GMEB2: variants seen among roughly 807,000 people sequenced by gnomAD.
The protein encoded by GMEB2 is glucocorticoid modulatory element-binding protein 2.
Under a neutral mutation model 45.7 loss-of-function variants are expected in GMEB2, and 7 were observed. The ratio of observed to expected loss-of-function variants is 0.15; its 90% CI spans 0.09 to 0.29. GMEB2 has a LOEUF of 0.29. Ranked by LOEUF, GMEB2 falls within the 10% of genes least tolerant of loss-of-function variation. The probability of loss-of-function intolerance (pLI) is 1.00; values close to 1 mark genes in which losing one functional copy is unlikely to be tolerated. For synonymous variants in GMEB2, 322 were observed against 323.6 expected, an observed-to-expected ratio of 1.00 and a Z score of 0.05; for missense variants, 582 against 739.2, an observed-to-expected ratio of 0.79 and a Z score of 2.47.
At position 63,593,494 on chromosome 20, in the gene GMEB2, C is replaced by T. The variant is rs889398308; in HGVS notation, c.620-412G>A. 1.6e-4 allele frequency among the ~76,000 whole-genome samples: 25 copies of T among 151,844 alleles called. No individual in the cohort carries two copies. The highest frequency in any genetic ancestry group is 5.6e-4 in the African/African-American group (23 of 41,286). ...GGCTGCGTCTGTCGCCCGTGGGGCT[C>T]GCCCTCACCTCGCCTCTTCAAGTGA... On this transcript the variant is annotated intron_variant, in intron 6 of 9. Coordinates refer to ENST00000370077, the MANE Select transcript of GMEB2 (RefSeq NM_012384.5). This position sits in a 1 kb window ranked among gnomAD's most constrained non-coding sequence, Gnocchi z 4.7.
Position 63,616,978 on chromosome 20 carries a change from G to GT in GMEB2, c.131+2288dup, listed in dbSNP as rs756258226. 8.3e-3 allele frequency among the ~76,000 whole-genome samples: 1,196 copies of GT among 144,558 alleles called. 4 individuals are homozygous for GT. Among genetic ancestry groups the GT allele is most frequent in the African/African-American group, 0.019 (769 of 39,706 alleles). 94.8% of individuals were successfully genotyped at this position (144,558 alleles called of 152,430 possible). On this transcript the variant is annotated intron_variant, in intron 2 of 9. Transcript: ENST00000370077. ...CCAGTAAGACTTTGACCTTCTGGTG[G>GT]TTTTTTTTTTTTTGGAGACTGGGTC...
intron 3 of GMEB2, among the ~76,000 whole-genome samples, chr20:63,603,959 CAGG>C (rs1399590452): frequency 1.3e-5 from 2 of 151,154 alleles, no homozygotes; most frequent in Non-Finnish European, 2.9e-5. Flanking sequence ...GAGGCTGAGG[CAGG>C]AGAAGTGCTT....
chr20:63,601,293 C>A (rs2083239799), intron 4 of GMEB2, among the ~76,000 whole-genome samples: 1 of 152,160 alleles, frequency 6.6e-6, no homozygotes, highest in African/African-American at 2.4e-5. Context: ...GGCCCTTGCA[C>A]TGTGGACCAC....
chr20:63,590,087 G>C lies in GMEB2; in HGVS notation c.*2C>G. On this transcript the variant is annotated 3_prime_UTR_variant, in exon 10 of 10. Coordinates refer to ENST00000370077, the MANE Select transcript of GMEB2 (RefSeq NM_012384.5). ...GTCCCAGGGGCCTCGCCCTCCTGTC[G>C]GCTACTTCCGCTCGTGGTCCTCTGC... 1 of 1,500,822 alleles carries C rather than the reference G, an allele frequency of 6.7e-7. No individual in the cohort carries two copies. Among genetic ancestry groups the C allele is most frequent in the Non-Finnish European group, 8.9e-7 (1 of 1,126,264 alleles). The allele number at this position is 1,500,822 out of a possible 1,614,324, so 93.0% of individuals were successfully genotyped here. A position where few individuals can be genotyped will look rare whatever the true frequency, so the allele number is the denominator to read the frequency against.
At chr20:63,616,166 G>A (rs1601031114) in intron 2 of GMEB2, among the ~76,000 whole-genome samples, 1 of 152,142 alleles carries the variant, frequency 6.6e-6, no homozygotes, top group Non-Finnish European at 1.5e-5. Flanking sequence ...CATGTGGGCC[G>A]GGTACAGTGG....
intron 2 of GMEB2, among the ~76,000 whole-genome samples, chr20:63,606,432 C>G (rs2089519852): frequency 6.6e-6 from 1 of 150,976 alleles, no homozygotes; most frequent in Admixed American, 6.6e-5. Context: ...ACTGCAAGCT[C>G]TGCCTTCCGG....
intron 2 of GMEB2, among the ~76,000 whole-genome samples, chr20:63,615,753 C>T (rs1053389178): frequency 6.6e-6 from 1 of 152,228 alleles, no homozygotes; most frequent in African/African-American, 2.4e-5. Flanking sequence ...GGGTCTCATG[C>T]TGGGAACGCG....
Position 63,587,898 on chromosome 20 carries a change from G to A in GMEB2, c.*2191C>T, listed in dbSNP as rs2083108059. ...AACCCTGCCCCCGAGGAGCCAGCAG[G>A]ACCTGGAGGAGCCGGGGGCGGTGCT... On this transcript the variant is annotated 3_prime_UTR_variant, in exon 10 of 10. Transcript: ENST00000370077. 1 of 152,414 alleles carries A rather than the reference G, an allele frequency of 6.6e-6. No individual in the cohort carries two copies. The highest frequency in any genetic ancestry group is 6.5e-5 in the Admixed American group (1 of 15,288). 9.4% of individuals were successfully genotyped at this position (152,414 alleles called of 1,614,324 possible). A position where few individuals can be genotyped will look rare whatever the true frequency, so the allele number is the denominator to read the frequency against.
chr20:63,596,965 C>A (rs2083204650), intron 5 of GMEB2, among the ~76,000 whole-genome samples: 1 of 151,642 alleles, frequency 6.6e-6, no homozygotes, highest in Middle Eastern at 3.2e-3. Context: ...CGCAGTGAGC[C>A]AAGATCATGC....
chr20:63,619,256 C>A lies in GMEB2; in HGVS notation c.131+11G>T, dbSNP rs754209096. ...CCCATCAGCCCCAATGGCACCGAGG[C>A]CCGAGCTTACCCGTGAGGGGCCAAG... On this transcript the variant is annotated intron_variant, in intron 2 of 9. Coordinates refer to ENST00000370077, the MANE Select transcript of GMEB2 (RefSeq NM_012384.5). This position sits in a 1 kb window ranked among gnomAD's most constrained non-coding sequence, Gnocchi z 4.6. 2 of 1,605,314 alleles carry A rather than the reference C, an allele frequency of 1.2e-6. No homozygotes were observed. The highest frequency in any genetic ancestry group is 1.7e-5 in the Admixed American group (1 of 59,648).
At position 63,593,689 on chromosome 20, in the gene GMEB2, C is replaced by T. The variant is rs1053794304; in HGVS notation, c.620-607G>A. On this transcript the variant is annotated intron_variant, in intron 6 of 9. Coordinates refer to ENST00000370077, the MANE Select transcript of GMEB2 (RefSeq NM_012384.5). This position sits in a 1 kb window ranked among gnomAD's most constrained non-coding sequence, Gnocchi z 4.7. ...GTCGTTCATATGTGGCCATTTTGGGCGTTGCTGATAGAGACTTTATACACA... is the reference window on the plus strand; with the variant it reads ...GTCGTTCATATGTGGCCATTTTGGGTGTTGCTGATAGAGACTTTATACACA... 2.7e-5 allele frequency among the ~76,000 whole-genome samples: 4 copies of T among 147,246 alleles called. No homozygotes were observed. The highest frequency in any genetic ancestry group is 2.2e-4 in the South Asian group (1 of 4,500).
chr20:63,607,475 C>A (rs1194694929), intron 2 of GMEB2, among the ~76,000 whole-genome samples: 2 of 18,660 alleles, frequency 1.1e-4, no homozygotes, highest in Non-Finnish European at 4.8e-4. Flanking sequence ...GTGACCTCAC[C>A]TCCATTTCTA....
At chr20:63,604,643 A>G in intron 3 of GMEB2, 100 bp downstream of exon 3, 3 of 777,582 alleles carry the variant, frequency 3.9e-6, no homozygotes, top group South Asian at 2.8e-5. Context: ...GCCCGAACAA[A>G]GACCTTGTAT....
At chr20:63,617,994 C>T (rs954084183) in intron 2 of GMEB2, among the ~76,000 whole-genome samples, 5 of 151,920 alleles carry the variant, frequency 3.3e-5, no homozygotes, top group African/African-American at 1.2e-4. Context: ...CCACACTACT[C>T]ATTGCAGGCC....
chr20:63,598,585 C>T (rs979493738), intron 4 of GMEB2, among the ~76,000 whole-genome samples: 4 of 152,110 alleles, frequency 2.6e-5, no homozygotes, highest in African/African-American at 7.2e-5. Context: ...CCAGGAGGCC[C>T]GAGTACGGGG....
rs566165079 is a variant in GMEB2 at position 63,619,107 on chromosome 20, T to A, written c.131+160A>T. On this transcript the variant is annotated intron_variant, in intron 2 of 9. Transcript: ENST00000370077. The surrounding 1 kb of genome is among the most constrained non-coding windows in gnomAD (Gnocchi z 4.6). ...CTGGTCCCCGTGCCATTTCTGCTTT[T>A]CTTCGCTCTCTACTTACACACACAT... 6.6e-6 allele frequency among the ~76,000 whole-genome samples: 1 copy of A among 152,358 alleles called. No homozygotes were observed. The highest frequency in any genetic ancestry group is 2.1e-4 in the South Asian group (1 of 4,828).
intron 2 of GMEB2, among the ~76,000 whole-genome samples, chr20:63,606,858 C>A (rs147379485): frequency 4.5e-4 from 69 of 152,300 alleles, no homozygotes; most frequent in African/African-American, 1.3e-3. Flanking sequence ...CAAACAGAAA[C>A]CAGTACATGA....
chr20:63,605,564 A>G (rs912479436), intron 2 of GMEB2, among the ~76,000 whole-genome samples: 1 of 150,176 alleles, frequency 6.7e-6, no homozygotes, highest in African/African-American at 2.4e-5. Context: ...GAGGCTGCGC[A>G]GGTCTGAGCA....
intron 5 of GMEB2, among the ~76,000 whole-genome samples, chr20:63,597,218 G>A (rs1156573614): frequency 5.7e-5 from 8 of 139,696 alleles, no homozygotes; most frequent in Non-Finnish European, 4.5e-5. Flanking sequence ...CTGTATTGCA[G>A]TGGCACAATC....
Sources: gnomAD v4.1 joint callset for allele counts (sites outside exome capture counted in the v4.1 genomes callset) on GRCh38, gnomAD v4.1.1 for gene constraint, Gnocchi (gnomAD v3.1) non-coding constraint, MANE v1.5 for transcripts, NCBI Gene and HGNC (gene_info 2026-07-23, HGNC 2026-07-21) for gene names.